Variants in OTOF observed in about 807,000 individuals in gnomAD.
The protein encoded by OTOF is otoferlin.
OTOF carries 218 observed loss-of-function variants against 236.8 expected under a neutral mutation model. The ratio of observed to expected loss-of-function variants is 0.92; its 90% CI spans 0.82 to 1.03. OTOF has a LOEUF of 1.03. Among genes scored for constraint, OTOF ranks in the 50% least tolerant of loss-of-function variants. The probability of loss-of-function intolerance (pLI) is 0.00; values close to 1 mark genes in which losing one functional copy is unlikely to be tolerated. For synonymous variants in OTOF, 1,041 were observed against 1,072.5 expected (o/e 0.97, Z 0.57); for missense variants, 2,590 against 2,694.4 (o/e 0.96, Z 0.86).
At chr2:26,492,848 G>A (rs535353109) in intron 9 of OTOF, among the ~76,000 whole-genome samples, 1 of 152,346 alleles carries the variant, frequency 6.6e-6, no homozygotes, top group East Asian at 1.9e-4. Context: ...GAACATTTGA[G>A]CTGGGCCCTG....
intron 2 of OTOF, among the ~76,000 whole-genome samples, chr2:26,528,830 GT>G (rs1394803175): frequency 6.6e-6 from 1 of 152,214 alleles, no homozygotes; most frequent in Non-Finnish European, 1.5e-5. Flanking sequence ...TAGGCGTAGT[GT>G]TTTTGTGGTA....
chr2:26,478,823 C>G (rs538228506), intron 18 of OTOF, among the ~76,000 whole-genome samples: 1 of 152,298 alleles, frequency 6.6e-6, no homozygotes, highest in South Asian at 2.1e-4. Context: ...TTCAGCCTCC[C>G]GAATAGCTGG....
At chr2:26,481,051 C>G in intron 14 of OTOF, 42 bp from the exon 15 acceptor site, 1 of 1,490,790 alleles carries the variant, frequency 6.7e-7, no homozygotes, top group Non-Finnish European at 9.3e-7. Flanking sequence ...GCGTCACATC[C>G]AGTTTCCCTG....
At chr2:26,487,968 C>G (rs1377819934) in intron 11 of OTOF, among the ~76,000 whole-genome samples, 1 of 152,216 alleles carries the variant, frequency 6.6e-6, no homozygotes, top group Non-Finnish European at 1.5e-5. Context: ...GTGGACAAAC[C>G]CCTTCATCAC....
intron 1 of OTOF, among the ~76,000 whole-genome samples, chr2:26,556,550 T>C (rs1667589531): frequency 6.6e-6 from 1 of 151,962 alleles, no homozygotes; most frequent in South Asian, 2.1e-4. Context: ...AGAGCAAGGG[T>C]TGCAAATAAA....
Position 26,484,575 on chromosome 2 carries a change from C to A in OTOF, c.1104G>T (p.Gly368=). 1 of 1,613,970 alleles carries A rather than the reference C, an allele frequency of 6.2e-7. No individual in the cohort carries two copies. The highest frequency in any genetic ancestry group is 8.5e-7 in the Non-Finnish European group (1 of 1,180,002). Reference sequence around the variant, plus strand: ...CGTCACACTTCACGTAGCCCTTCAGCCCCGAGGAGATGTCATCGGGGTCAG... The same window carrying A: ...CGTCACACTTCACGTAGCCCTTCAGACCCGAGGAGATGTCATCGGGGTCAG... ...ILSDPDDISS[G]LKGYVKCDVA... is the part of the protein sequence containing the mutation. The change falls in exon 12 of 47, where the codon GGG becomes GGT. Residue 368 remains glycine, a synonymous_variant. Coordinates refer to ENST00000272371, the MANE Select transcript of OTOF (RefSeq NM_194248.3).
At chr2:26,480,528 G>C (rs1444861750) in intron 15 of OTOF, among the ~76,000 whole-genome samples, 1 of 152,260 alleles carries the variant, frequency 6.6e-6, no homozygotes, top group Admixed American at 6.5e-5. Context: ...CCGTGGCTGG[G>C]AAGAGGGGCA....
chr2:26,535,123 G>A (rs1181446619), intron 2 of OTOF, among the ~76,000 whole-genome samples: 4 of 152,218 alleles, frequency 2.6e-5, no homozygotes, highest in Non-Finnish European at 5.9e-5. Flanking sequence ...GGTGGCCAGG[G>A]CTGAGGCCAC....
At chr2:26,553,819 G>A (rs1391467207) in intron 1 of OTOF, among the ~76,000 whole-genome samples, 1 of 152,110 alleles carries the variant, frequency 6.6e-6, no homozygotes, top group Non-Finnish European at 1.5e-5. Context: ...AACTGACTCT[G>A]GCTTACACAC....
Position 26,473,072 on chromosome 2 carries a change from T to A in OTOF, c.3733+60A>T. 1 of 1,547,572 alleles carries A rather than the reference T, an allele frequency of 6.5e-7. No individual in the cohort carries two copies. Among genetic ancestry groups the A allele is most frequent in the Non-Finnish European group, 8.8e-7 (1 of 1,130,118 alleles). ...TCGCGGCTTGGACTGGGCGGAGACCTGGAGCCCTTCCCTGGGGGGCGTGGA... is the reference window on the plus strand; with the variant it reads ...TCGCGGCTTGGACTGGGCGGAGACCAGGAGCCCTTCCCTGGGGGGCGTGGA... On this transcript the variant is annotated intron_variant, in intron 29 of 46. Transcript: ENST00000272371. The surrounding 1 kb of genome is among the most constrained non-coding windows in gnomAD (Gnocchi z 7.2).
intron 3 of OTOF, among the ~76,000 whole-genome samples, chr2:26,522,508 C>T (rs1231299126): frequency 6.6e-6 from 1 of 152,200 alleles, no homozygotes; most frequent in Non-Finnish European, 1.5e-5. Flanking sequence ...GGCGACCCTG[C>T]CCGCCGCAGC....
Position 26,482,023 on chromosome 2 carries a change from A to G in OTOF, c.1579+383T>C, listed in dbSNP as rs188417668. ...AATCCCTGCGATTCTGCAGATAGGCACTACTATTAGGTATCATATATATAT... is the reference window on the plus strand; with the variant it reads ...AATCCCTGCGATTCTGCAGATAGGCGCTACTATTAGGTATCATATATATAT... On this transcript the variant is annotated intron_variant, in intron 14 of 46. Transcript: ENST00000272371. Among the ~76,000 whole-genome samples the G allele has an allele frequency of 2.7e-4, 41 of 152,344 alleles. No individual in the cohort carries two copies. The East Asian group carries it at 7.3e-3, about 27-fold the overall frequency.
chr2:26,459,177 C>T (rs1664330666), intron 46 of OTOF, among the ~76,000 whole-genome samples: 1 of 152,202 alleles, frequency 6.6e-6, no homozygotes, highest in Non-Finnish European at 1.5e-5. Flanking sequence ...GGGTGAGAGC[C>T]ATTTCCAGAC....
chr2:26,504,149 A>C (rs1433272262), intron 5 of OTOF, among the ~76,000 whole-genome samples: 2 of 152,038 alleles, frequency 1.3e-5, no homozygotes, highest in Non-Finnish European at 2.9e-5. Context: ...TTTTAACTGG[A>C]GCTCCTCTGG....
chr2:26,475,850 C>T (rs1665231312), intron 24 of OTOF, 64 bp downstream of exon 24: 2 of 1,549,788 alleles, frequency 1.3e-6, no homozygotes, highest in African/African-American at 1.4e-5. Flanking sequence ...GCTCCAGTCC[C>T]CACAGGCTCA....
chr2:26,462,330 G>A lies in OTOF; in HGVS notation c.5193-149C>T, dbSNP rs1664505994. On this transcript the variant is annotated intron_variant, in intron 41 of 46. Coordinates refer to ENST00000272371, the MANE Select transcript of OTOF (RefSeq NM_194248.3). This position sits in a 1 kb window ranked among gnomAD's most constrained non-coding sequence, Gnocchi z 4.7. ...AGGCTGGGGCTGGAGGAGTGGTTTG[G>A]GGTTGGGGGAGCAGAGGCATGAGTG... is the stretch of plus-strand genomic sequence containing the variant. 2 of 740,828 alleles carry A rather than the reference G, an allele frequency of 2.7e-6. No individual in the cohort carries two copies. The highest frequency in any genetic ancestry group is 2.9e-5 in the South Asian group (2 of 70,050). 45.9% of individuals were successfully genotyped at this position (740,828 alleles called of 1,614,324 possible).
At chr2:26,499,586 C>T (rs1459244674) in intron 8 of OTOF, among the ~76,000 whole-genome samples, 1 of 152,162 alleles carries the variant, frequency 6.6e-6, no homozygotes, top group African/African-American at 2.4e-5. Context: ...CGACTCACTA[C>T]AACCTCCACT....
At chr2:26,529,415 C>G (rs1190470296) in intron 2 of OTOF, among the ~76,000 whole-genome samples, 2 of 152,338 alleles carry the variant, frequency 1.3e-5, no homozygotes, top group African/African-American at 2.4e-5. Flanking sequence ...TCTGAATGCT[C>G]TACGTGCATA....
At chr2:26,474,431 T>C in intron 26 of OTOF, 82 bp downstream of exon 26, 3 of 244,464 alleles carry the variant, frequency 1.2e-5, no homozygotes, top group Non-Finnish European at 1.9e-5. Flanking sequence ...GGCCCCAGCC[T>C]TCAGGGTCCA....
Sources: gnomAD v4.1 joint callset for allele counts (sites outside exome capture counted in the v4.1 genomes callset) on GRCh38, gnomAD v4.1.1 for gene constraint, Gnocchi (gnomAD v3.1) non-coding constraint, MANE v1.5 for transcripts, NCBI Gene and HGNC (gene_info 2026-07-23, HGNC 2026-07-21) for gene names.